The following DLGAP2 variants were observed in gnomAD, a reference collection of about 807,000 sequenced individuals.
DLGAP2 encodes the protein disks large-associated protein 2.
Under a neutral mutation model 100.3 loss-of-function variants are expected in DLGAP2, and 26 were observed. The observed-to-expected ratio is 0.26, with a 90% CI of 0.19 to 0.36. The LOEUF is 0.36. Among genes scored for constraint, DLGAP2 ranks in the 10% least tolerant of loss-of-function variants. The pLI is 1.00. For synonymous variants in DLGAP2, 886 were observed against 630.1 expected (o/e 1.41, Z -6.08); for missense variants, 1,858 against 1,453.2 (o/e 1.28, Z -4.53).
intron 4 of DLGAP2, among the ~76,000 whole-genome samples, chr8:1,530,526 C>T (rs1432187866): frequency 6.6e-6 from 1 of 152,164 alleles, no homozygotes; most frequent in African/African-American, 2.4e-5. Flanking sequence ...AGGCGACATA[C>T]ATTCTCCTCA....
At chr8:1,195,535 C>T (rs191443911) in intron 2 of DLGAP2, among the ~76,000 whole-genome samples, 2 of 152,306 alleles carry the variant, frequency 1.3e-5, no homozygotes, top group East Asian at 1.9e-4. Flanking sequence ...GCTGCCTATC[C>T]AATTACTTGG....
intron 12 of DLGAP2, among the ~76,000 whole-genome samples, chr8:1,683,940 A>ATATATATGTG (rs1799037785): frequency 3.1e-5 from 2 of 65,560 alleles, no homozygotes; most frequent in African/African-American, 1.3e-4. Context: ...ATATATGTGT[A>ATATATATGTG]TATATATATG....
chr8:1,292,905 C>T, intron 3 of DLGAP2, among the ~76,000 whole-genome samples: 1 of 152,272 alleles, frequency 6.6e-6, no homozygotes, highest in South Asian at 2.1e-4. Context: ...GGTCAGGGTC[C>T]CCTCTGAGTG....
intron 2 of DLGAP2, among the ~76,000 whole-genome samples, chr8:1,156,628 C>CG (rs1490543410): frequency 6.6e-6 from 1 of 151,948 alleles, no homozygotes; most frequent in Non-Finnish European, 1.5e-5. Context: ...AGCGCCCCAG[C>CG]CCAGCGCCCC....
At chr8:1,689,447 A>T (rs946473516) in intron 12 of DLGAP2, among the ~76,000 whole-genome samples, 2 of 152,210 alleles carry the variant, frequency 1.3e-5, no homozygotes, top group African/African-American at 4.8e-5. Context: ...TCTGCGTTCA[A>T]GGGGGCAAAT....
chr8:763,212 C>T (rs891534206), intron 1 of DLGAP2, among the ~76,000 whole-genome samples: 1 of 152,190 alleles, frequency 6.6e-6, no homozygotes, highest in Non-Finnish European at 1.5e-5. Flanking sequence ...ATCAGCAGCG[C>T]AGCCGGGATG....
At chr8:748,833 T>C (rs541867615) in intron 1 of DLGAP2, among the ~76,000 whole-genome samples, 2 of 152,318 alleles carry the variant, frequency 1.3e-5, no homozygotes, top group East Asian at 1.9e-4. Flanking sequence ...GGTTACTGCT[T>C]TGTTGTGCGG....
intron 3 of DLGAP2, among the ~76,000 whole-genome samples, chr8:1,303,534 C>A (rs1481816837): frequency 1.3e-5 from 2 of 152,062 alleles, no homozygotes; most frequent in Non-Finnish European, 1.5e-5. Context: ...CTGTGCGCTG[C>A]GCTGGTCTTA....
chr8:1,274,695 CTTTTTT>C (rs145930765), intron 3 of DLGAP2, among the ~76,000 whole-genome samples: 3 of 22,222 alleles, frequency 1.4e-4, no homozygotes, highest in African/African-American at 4.5e-4. Context: ...TTTCATTTAT[CTTTTTT>C]TTTTTTTTTT....
At chr8:1,584,355 T>C (rs550134737) in intron 6 of DLGAP2, among the ~76,000 whole-genome samples, 1 of 152,324 alleles carries the variant, frequency 6.6e-6, no homozygotes, top group South Asian at 2.1e-4. Context: ...TAGGTTCTAT[T>C]AGTCAAAACG....
chr8:1,578,772 A>G (rs1563233112), intron 6 of DLGAP2, among the ~76,000 whole-genome samples: 1 of 152,148 alleles, frequency 6.6e-6, no homozygotes, highest in East Asian at 1.9e-4. Context: ...TTTGCTCTCA[A>G]AAATAAAAAT....
intron 2 of DLGAP2, among the ~76,000 whole-genome samples, chr8:1,185,134 G>C (rs1181541625): frequency 6.6e-6 from 1 of 152,140 alleles, no homozygotes; most frequent in African/African-American, 2.4e-5. Context: ...GGCACTGGTG[G>C]CGACGGCATA....
intron 2 of DLGAP2, among the ~76,000 whole-genome samples, chr8:1,096,580 G>T (rs539401784): frequency 6.6e-6 from 1 of 150,534 alleles, no homozygotes; most frequent in Non-Finnish European, 1.5e-5. Flanking sequence ...GGGAGCCTAG[G>T]GCAGGCCTTC....
At chr8:1,257,623 A>G (rs1253104607) in intron 2 of DLGAP2, among the ~76,000 whole-genome samples, 2 of 152,126 alleles carry the variant, frequency 1.3e-5, no homozygotes, top group Non-Finnish European at 1.5e-5. Context: ...GTCACGCTGG[A>G]TGGCAGAGTG....
Position 1,516,793 on chromosome 8 carries a change from G to A in DLGAP2, c.172+15362G>A, listed in dbSNP as rs1800409552. 2.0e-5 allele frequency among the ~76,000 whole-genome samples: 3 copies of A among 152,366 alleles called. No individual in the cohort carries two copies. In the South Asian group the frequency reaches 6.2e-4, roughly 32 times the overall value. The stretch of plus-strand genomic sequence containing the variant: ...CGAATGAGTGAGTGAATCAGTGAGT[G>A]AGTGAGTGCATGAATGAGTGAAAGG... On this transcript the variant is annotated intron_variant, in intron 4 of 14. Transcript: ENST00000637795.
chr8:1,421,679 C>G (rs1797090612), intron 3 of DLGAP2, among the ~76,000 whole-genome samples: 1 of 152,136 alleles, frequency 6.6e-6, no homozygotes, highest in Non-Finnish European at 1.5e-5. Flanking sequence ...TAACAAAATT[C>G]ATAAGGCTAG....
At chr8:919,547 A>C (rs187936318) in intron 2 of DLGAP2, among the ~76,000 whole-genome samples, 1 of 152,180 alleles carries the variant, frequency 6.6e-6, no homozygotes, top group Non-Finnish European at 1.5e-5. Flanking sequence ...AGTTAACATC[A>C]GGTTGGCCTT....
At chr8:1,555,987 G>A (rs879289617) in intron 5 of DLGAP2, among the ~76,000 whole-genome samples, 11 of 152,172 alleles carry the variant, frequency 7.2e-5, no homozygotes, top group Admixed American at 4.6e-4. Flanking sequence ...CACTGGGTGG[G>A]TGCATGCGCT....
intron 3 of DLGAP2, among the ~76,000 whole-genome samples, chr8:1,449,037 G>A (rs537493488): frequency 2.0e-4 from 31 of 152,298 alleles, no homozygotes; most frequent in African/African-American, 6.7e-4. Context: ...GGCTCAGCAC[G>A]GGTCAGGGAC....
Sources: gnomAD v4.1 joint callset for allele counts (sites outside exome capture counted in the v4.1 genomes callset) on GRCh38, gnomAD v4.1.1 for gene constraint, MANE v1.5 for transcripts, NCBI Gene and HGNC (gene_info 2026-07-23, HGNC 2026-07-21) for gene names.